Variants in KRTAP16-1 observed in about 807,000 individuals in gnomAD.
The protein encoded by KRTAP16-1 is keratin-associated protein 16-1.
For missense variants in KRTAP16-1, 675 were observed against 657.7 expected (o/e 1.03, Z -0.29); for synonymous variants, 262 against 248.0 (o/e 1.06, Z -0.53).
Position 41,308,431 on chromosome 17 carries a change from C to T in KRTAP16-1, c.823G>A (p.Glu275Lys), listed in dbSNP as rs545574543. ...CAGACAGGGCGGAGGCAAACTGGCTCACAGACCAGAGCCACACACGTAGCT... is the reference window on the plus strand; with the variant it reads ...CAGACAGGGCGGAGGCAAACTGGCTTACAGACCAGAGCCACACACGTAGCT... ...QPATCVALVC[E>K]PVCLRPVCCV... The change falls in exon 1 of 1, where the codon GAG (glutamate) becomes AAG (lysine). Residue 275 changes from glutamate (E) to lysine (K), a missense_variant. Glu to Lys is a moderately conservative substitution (Grantham distance 56). Transcript: ENST00000391352. 6 of 1,550,644 alleles carry T rather than the reference C, an allele frequency of 3.9e-6. No individual in the cohort carries two copies. The highest frequency in any genetic ancestry group is 4.9e-5 in the East Asian group (2 of 40,924).
In KRTAP16-1 at chr17:41,308,532, G is replaced by C; in HGVS notation, c.722C>G (p.Thr241Ser). Residue 241 changes from threonine (T) to serine (S), a missense_variant, in exon 1 of 1, where the codon ACC (threonine) becomes AGC (serine). By Grantham distance (58) the Thr-to-Ser change is moderately conservative. Coordinates refer to ENST00000391352, the MANE Select transcript of KRTAP16-1 (RefSeq NM_001146182.2). ...PVCPTPTCSV[T>S]SSCQAVCCDP... Reference sequence around the variant, plus strand: ...ACAGCAGACAGCCTGGCAGCTACTGGTCACAGAGCAGGTAGGTGTCGGGCA... The same window carrying C: ...ACAGCAGACAGCCTGGCAGCTACTGCTCACAGAGCAGGTAGGTGTCGGGCA... 6.4e-7 allele frequency: 1 copy of C among 1,550,640 alleles called. No individual in the cohort carries two copies. The highest frequency in any genetic ancestry group is 8.7e-7 in the Non-Finnish European group (1 of 1,146,902).
chr17:41,309,061 C>G lies in KRTAP16-1; in HGVS notation c.193G>C (p.Val65Leu). The change falls in exon 1 of 1, where the codon GTG (valine) becomes CTG (leucine). Residue 65 changes from valine (V) to leucine (L), a missense_variant. Coordinates refer to ENST00000391352, the MANE Select transcript of KRTAP16-1 (RefSeq NM_001146182.2). ...CACAGGGGTTGGGCACAGCTACTCA[C>G]AGGACAGGAGGGCTGACGGCACTGT... ...GPQCRQPSCP[V>L]SSCAQPLCCD... The G allele has an allele frequency of 6.4e-7, 1 of 1,550,680 alleles. No homozygotes were observed. The highest frequency in any genetic ancestry group is 8.7e-7 in the Non-Finnish European group (1 of 1,146,996).
rs186847830 is a variant in KRTAP16-1 at position 41,308,761 on chromosome 17, C to T, written c.493G>A (p.Val165Met). 4.2e-5 allele frequency: 65 copies of T among 1,550,660 alleles called. No homozygotes were observed. Among genetic ancestry groups the T allele is most frequent in the South Asian group, 1.1e-4 (9 of 84,066 alleles). The change falls in exon 1 of 1, where the codon GTG becomes ATG. Residue 165 changes from valine (V) to methionine (M), a missense_variant. Physicochemically the swap from Val to Met is conservative, Grantham distance 21. Transcript: ENST00000391352. ...CCTACAGGCTGGCAGCAGCTGCTCACGGAGCAAGAAGGCTCACAAATAGCA... is the reference window on the plus strand; with the variant it reads ...CCTACAGGCTGGCAGCAGCTGCTCATGGAGCAAGAAGGCTCACAAATAGCA... ...EPAICEPSCS[V>M]SSCCQPVGSE...
At position 41,307,912 on chromosome 17, in the gene KRTAP16-1, A is replaced by T. The variant is rs763789461; in HGVS notation, c.1342T>A (p.Tyr448Asn). 4 of 1,550,582 alleles carry T rather than the reference A, an allele frequency of 2.6e-6. No homozygotes were observed. In the South Asian group the frequency reaches 3.6e-5, roughly 14 times the overall value. ...CVTSYSCRPV[Y>N]FRPSCTESDS... ...GACTCAGTGCAAGATGGGCGGAAGT[A>T]GACTGGGCGGCAAGAGTAGGAAGTG... Residue 448 changes from tyrosine to asparagine, a missense_variant, in exon 1 of 1, where the codon TAC becomes AAC. Transcript: ENST00000391352.
rs114620803 is a variant in KRTAP16-1, at chr17:41,308,069, C to G, written c.1185G>C (p.Pro395=). The G allele has an allele frequency of 5.2e-6, 8 of 1,550,488 alleles. No individual in the cohort carries two copies. Among genetic ancestry groups the G allele is most frequent in the South Asian group, 4.8e-5 (4 of 84,046 alleles). ...RPCSATISYR[P]VSRPICRPIC... ...TTGGGCGGCAGATCGGACGGGAGAC[C>G]GGGCGGTAGGAAATCGTAGCACTGC... The change falls in exon 1 of 1, where the codon CCG becomes CCC. Residue 395 remains proline (P), a synonymous_variant. Coordinates refer to ENST00000391352, the MANE Select transcript of KRTAP16-1 (RefSeq NM_001146182.2).
rs1258786687 is a variant in KRTAP16-1, at chr17:41,308,821, C to T, written c.433G>A (p.Val145Met). ...CACACAGGTTGAGCACAGCTGCTCACGGAACAAGAAGGCTCACAAACGGTG... is the reference window on the plus strand; with the variant it reads ...CACACAGGTTGAGCACAGCTGCTCATGGAACAAGAAGGCTCACAAACGGTG... Reference protein sequence around the residue: ...EATVCEPSCSVSSCAQPVCCE... With the variant: ...EATVCEPSCSMSSCAQPVCCE... Residue 145 changes from valine (V) to methionine (M), a missense_variant, in exon 1 of 1, where the codon GTG becomes ATG. Val to Met is a conservative substitution (Grantham distance 21). Transcript: ENST00000391352. The T allele has an allele frequency of 4.5e-6, 7 of 1,546,822 alleles. No homozygotes were observed. Among genetic ancestry groups the T allele is most frequent in the African/African-American group, 2.7e-5 (2 of 72,994 alleles).
At position 41,308,320 on chromosome 17, in the gene KRTAP16-1, T is replaced by A; in HGVS notation, c.934A>T (p.Ile312Phe). 1 of 1,550,324 alleles carries A rather than the reference T, an allele frequency of 6.5e-7. No homozygotes were observed. Among genetic ancestry groups the A allele is most frequent in the Non-Finnish European group, 8.7e-7 (1 of 1,146,900 alleles). Reference protein sequence around the residue: ...SCCVSSICQPICSEPSPCSPA... With the variant: ...SCCVSSICQPFCSEPSPCSPA... ...GAGCAGGGGCTGGGCTCAGAGCAGA[T>A]GGGTTGGCAGATACTGGAGACACAA... The change falls in exon 1 of 1, where the codon ATC becomes TTC. Residue 312 changes from isoleucine (I) to phenylalanine (F), a missense_variant. Physicochemically the swap from Ile to Phe is conservative, Grantham distance 21. Transcript: ENST00000391352.
In KRTAP16-1 at chr17:41,308,255, G is replaced by A. The variant is rs956003852; in HGVS notation, c.999C>T (p.Cys333=). 3.9e-6 allele frequency: 6 copies of A among 1,550,712 alleles called. No individual in the cohort carries two copies. Among genetic ancestry groups the A allele is most frequent in the East Asian group, 2.4e-5 (1 of 40,924 alleles). ...VCVSSPCQPT[C]YVVKRCPSVC... ...CAGAAGGACAGCGCTTGACTACATA[G>A]CAAGTAGGTTGGCATGGACTGGACA... The change falls in exon 1 of 1, where the codon TGC becomes TGT. Residue 333 remains cysteine, a synonymous_variant. Transcript: ENST00000391352.
At position 41,308,697 on chromosome 17, in the gene KRTAP16-1, G is replaced by A; in HGVS notation, c.557C>T (p.Pro186Leu). The change falls in exon 1 of 1, where the codon CCC becomes CTC. Residue 186 changes from proline (P) to leucine (L), a missense_variant. Coordinates refer to ENST00000391352, the MANE Select transcript of KRTAP16-1 (RefSeq NM_001146182.2). ...ATSCQPVLCVPTSCQPVLCKS... is the reference protein window; with the variant it reads ...ATSCQPVLCVLTSCQPVLCKS... ...GCAGAGGACAGGCTGGCAGGAAGTG[G>A]GCACACAGAGGACTGGTTGGCAGGA... 6.4e-7 allele frequency: 1 copy of A among 1,550,704 alleles called. No individual in the cohort carries two copies. Among genetic ancestry groups the A allele is most frequent in the Non-Finnish European group, 8.7e-7 (1 of 1,147,014 alleles).
At position 41,308,961 on chromosome 17, in the gene KRTAP16-1, G is replaced by T. The variant is rs551455313; in HGVS notation, c.293C>A (p.Thr98Asn). Residue 98 changes from threonine (T) to asparagine (N), a missense_variant, in exon 1 of 1, where the codon ACC becomes AAC. Transcript: ENST00000391352. Reference sequence around the variant, plus strand: ...GCTCACAGAGCAAGAAGGCTCACAGGTGGTGGCCTCACAGCACACGGGTTG... The same window carrying T: ...GCTCACAGAGCAAGAAGGCTCACAGTTGGTGGCCTCACAGCACACGGGTTG... ...GCQPVCCEAT[T>N]CEPSCSVSNC... is the part of the protein sequence containing the mutation. 6.5e-7 allele frequency: 1 copy of T among 1,550,212 alleles called. No individual in the cohort carries two copies. Among genetic ancestry groups the T allele is most frequent in the South Asian group, 1.2e-5 (1 of 84,034 alleles).
At position 41,308,859 on chromosome 17, in the gene KRTAP16-1, A is replaced by G; in HGVS notation, c.395T>C (p.Val132Ala). 8.4e-6 allele frequency: 13 copies of G among 1,541,696 alleles called. No individual in the cohort carries two copies. Among genetic ancestry groups the G allele is most frequent in the Non-Finnish European group, 1.1e-5 (13 of 1,140,478 alleles). ...CTCACAAACGGTGGCCTCAAAGCACACAGGTTGGCAGCAGTTGCTCACTGA... is the reference window on the plus strand; with the variant it reads ...CTCACAAACGGTGGCCTCAAAGCACGCAGGTTGGCAGCAGTTGCTCACTGA... ...SCSVSNCCQP[V>A]CFEATVCEPS... The change falls in exon 1 of 1, where the codon GTG (valine) becomes GCG (alanine). Residue 132 changes from valine (V) to alanine (A), a missense_variant. Coordinates refer to ENST00000391352, the MANE Select transcript of KRTAP16-1 (RefSeq NM_001146182.2).
Position 41,308,826 on chromosome 17 carries a change from C to T in KRTAP16-1, c.428G>A (p.Cys143Tyr), listed in dbSNP as rs969065295. The change falls in exon 1 of 1, where the codon TGT (cysteine) becomes TAT (tyrosine). Residue 143 changes from cysteine (C) to tyrosine (Y), a missense_variant. Transcript: ENST00000391352. ...CFEATVCEPS[C>Y]SVSSCAQPVC... ...AGGTTGAGCACAGCTGCTCACGGAA[C>T]AAGAAGGCTCACAAACGGTGGCCTC... The T allele has an allele frequency of 1.1e-5, 17 of 1,545,134 alleles. No individual in the cohort carries two copies. The highest frequency in any genetic ancestry group is 1.4e-5 in the Non-Finnish European group (16 of 1,143,344).
rs772783244 is a variant in KRTAP16-1, at chr17:41,308,525, G to A, written c.729C>T (p.Ser243=). The A allele has an allele frequency of 1.2e-5, 19 of 1,550,510 alleles. 1 individual carries two copies. The South Asian group carries it at 2.3e-4, about 18-fold the overall frequency. The change falls in exon 1 of 1, where the codon AGC becomes AGT. Residue 243 remains serine, a synonymous_variant. Transcript: ENST00000391352. ...TGGGGTCACAGCAGACAGCCTGGCA[G>A]CTACTGGTCACAGAGCAGGTAGGTG... The part of the protein sequence containing the change: ...CPTPTCSVTS[S]CQAVCCDPSP...
chr17:41,307,858 A>G lies in KRTAP16-1; in HGVS notation c.1396T>C (p.Ser466Pro). Residue 466 changes from serine (S) to proline (P), a missense_variant, in exon 1 of 1, where the codon TCC (serine) becomes CCC (proline). Ser to Pro is a moderately conservative substitution (Grantham distance 74, BLOSUM62 -1). Coordinates refer to ENST00000391352, the MANE Select transcript of KRTAP16-1 (RefSeq NM_001146182.2). The stretch of plus-strand genomic sequence containing the variant: ...ACACAATCCAGTTGGCTGGAAGTGG[A>G]TTTTTTGCAATCCCGTTTGCAAGAG... The part of the protein sequence containing the change: ...SDSCKRDCKK[S>P]TSSQLDCVDT... The G allele has an allele frequency of 6.4e-7, 1 of 1,550,632 alleles. No individual in the cohort carries two copies.
Position 41,308,425 on chromosome 17 carries a change from C to A in KRTAP16-1, c.829G>T (p.Val277Phe), listed in dbSNP as rs1410552907. 1 of 1,550,648 alleles carries A rather than the reference C, an allele frequency of 6.4e-7. No individual in the cohort carries two copies. Among genetic ancestry groups the A allele is most frequent in the South Asian group, 1.2e-5 (1 of 84,060 alleles). ...ACACAGCAGACAGGGCGGAGGCAAA[C>A]TGGCTCACAGACCAGAGCCACACAC... ...ATCVALVCEP[V>F]CLRPVCCVQS... The change falls in exon 1 of 1, where the codon GTT becomes TTT. Residue 277 changes from valine (V) to phenylalanine (F), a missense_variant. By Grantham distance (50) the Val-to-Phe change is conservative. Transcript: ENST00000391352.
In KRTAP16-1 at chr17:41,308,252, A is replaced by C; in HGVS notation, c.1002T>G (p.Tyr334Ter). The change falls in exon 1 of 1, where the codon TAT becomes TAG. Residue 334 changes from tyrosine to a stop codon, truncating the protein, a stop_gained. Transcript: ENST00000391352. LOFTEE classifies it low-confidence loss of function (END_TRUNC). ...CVSSPCQPTC[Y>*]VVKRCPSVCP... ...AGACAGAAGGACAGCGCTTGACTAC[A>C]TAGCAAGTAGGTTGGCATGGACTGG... 2 of 1,550,702 alleles carry C rather than the reference A, an allele frequency of 1.3e-6. No homozygotes were observed. Among genetic ancestry groups the C allele is most frequent in the South Asian group, 1.2e-5 (1 of 84,068 alleles).
chr17:41,309,040 G>A lies in KRTAP16-1; in HGVS notation c.214C>T (p.Leu72=), dbSNP rs1309706097. The A allele has an allele frequency of 3.2e-6, 5 of 1,550,676 alleles. No individual in the cohort carries two copies. The South Asian group carries it at 3.6e-5, about 11-fold the overall frequency. ...TCACAAATGACAGGATCACAGCACA[G>A]GGGTTGGGCACAGCTACTCACAGGA... The part of the protein sequence containing the change: ...SCPVSSCAQP[L]CCDPVICEPS... The change falls in exon 1 of 1, where the codon CTG becomes TTG. Residue 72 remains leucine (L), a synonymous_variant. Coordinates refer to ENST00000391352, the MANE Select transcript of KRTAP16-1 (RefSeq NM_001146182.2).
rs994139585 is a variant in KRTAP16-1 at position 41,309,168 on chromosome 17, A to G, written c.86T>C (p.Ile29Thr). Reference protein sequence around the residue: ...CSTEVSCGGPICLPSSCQSQT... With the variant: ...CSTEVSCGGPTCLPSSCQSQT... ...GCTCTGGCAGGAACTGGGCAGGCAG[A>G]TGGGGCCTCCACAGCTCACCTCAGT... The change falls in exon 1 of 1, where the codon ATC becomes ACC. Residue 29 changes from isoleucine (I) to threonine (T), a missense_variant. Ile to Thr is a moderately conservative substitution (Grantham distance 89). Transcript: ENST00000391352. 2.1e-5 allele frequency: 33 copies of G among 1,550,490 alleles called. No homozygotes were observed. Among genetic ancestry groups the G allele is most frequent in the Non-Finnish European group, 2.6e-5 (30 of 1,146,978 alleles).
rs1286210968 is a variant in KRTAP16-1, at chr17:41,308,989, A to G, written c.265T>C (p.Cys89Arg). 1 of 1,550,572 alleles carries G rather than the reference A, an allele frequency of 6.4e-7. No individual in the cohort carries two copies. Among genetic ancestry groups the G allele is most frequent in the East Asian group, 2.4e-5 (1 of 40,924 alleles). The part of the protein sequence containing the change: ...CEPSCSVSSG[C>R]QPVCCEATTC... ...GTGGCCTCACAGCACACGGGTTGGC[A>G]GCCGCTGCTCACGGAGCAAGAAGGC... The change falls in exon 1 of 1, where the codon TGC (cysteine) becomes CGC (arginine). Residue 89 changes from cysteine to arginine, a missense_variant. Physicochemically the swap from Cys to Arg is radical, Grantham distance 180 (BLOSUM62 -3). Transcript: ENST00000391352.
Sources: gnomAD v4.1 joint callset for allele counts on GRCh38, gnomAD v4.1.1 for gene constraint, MANE v1.5 for transcripts, NCBI Gene and HGNC (gene_info 2026-07-23, HGNC 2026-07-21) for gene names.